PSD3: variants seen among roughly 807,000 people sequenced by gnomAD.
The protein encoded by PSD3 is PH and SEC7 domain-containing protein 3.
Under a neutral mutation model 105.5 loss-of-function variants are expected in PSD3, and 49 were observed. The observed-to-expected ratio is 0.46, with a 90% confidence interval of 0.37 to 0.59. The LOEUF is 0.59. Ranked by LOEUF, PSD3 falls within the 20% of genes least tolerant of loss-of-function variation. The probability of loss-of-function intolerance (pLI) is 0.00; values close to 1 mark genes in which losing one functional copy is unlikely to be tolerated. For missense variants in PSD3, 1,561 were observed against 1,263.8 expected (o/e 1.24, Z -3.57); for synonymous variants, 557 against 457.8 (o/e 1.22, Z -2.77).
chr8:18,598,586 T>C (rs1467749541), intron 12 of PSD3, among the ~76,000 whole-genome samples: 1 of 152,082 alleles, frequency 6.6e-6, no homozygotes, highest in African/African-American at 2.4e-5. Context: ...AGCGATGATA[T>C]TAATATCCTT....
At chr8:18,848,755 G>C (rs997648764) in intron 4 of PSD3, among the ~76,000 whole-genome samples, 3 of 152,156 alleles carry the variant, frequency 2.0e-5, no homozygotes, top group African/African-American at 4.8e-5. Flanking sequence ...AGGAGTCCCA[G>C]AATGACCAGT....
chr8:18,816,658 T>C (rs891669869), intron 4 of PSD3, among the ~76,000 whole-genome samples: 11 of 152,254 alleles, frequency 7.2e-5, no homozygotes, highest in African/African-American at 2.7e-4. Flanking sequence ...GGGTGCAGCC[T>C]TGCCCTTGTG....
intron 10 of PSD3, among the ~76,000 whole-genome samples, chr8:18,640,375 C>T (rs1337187102): frequency 6.6e-6 from 1 of 152,262 alleles, no homozygotes; most frequent in Middle Eastern, 3.4e-3. Flanking sequence ...TGTCCCCACC[C>T]AAATTTCATC....
intron 2 of PSD3, among the ~76,000 whole-genome samples, chr8:18,918,258 G>A (rs2129466407): frequency 6.6e-6 from 1 of 152,242 alleles, no homozygotes; most frequent in South Asian, 2.1e-4. Context: ...TTCTGCCACT[G>A]TCAAAACATC....
chr8:18,536,329 G>A (rs1799845441), intron 15 of PSD3, among the ~76,000 whole-genome samples: 1 of 152,132 alleles, frequency 6.6e-6, no homozygotes, highest in African/African-American at 2.4e-5. Context: ...TTGTGGCTCT[G>A]TACCAAAGTC....
chr8:18,792,133 T>C lies in PSD3; in HGVS notation c.2082+7162A>G, dbSNP rs146311831. Among the ~76,000 whole-genome samples the C allele has an allele frequency of 2.4e-3, 367 of 152,236 alleles. 3 individuals are homozygous for C. Among genetic ancestry groups the C allele is most frequent in the African/African-American group, 7.9e-3 (330 of 41,538 alleles). ...CTGTTGGTGGGAGTGTAAATTAGTTTAATCATTGTGGAAGACAGTATGGTA... is the reference window on the plus strand; with the variant it reads ...CTGTTGGTGGGAGTGTAAATTAGTTCAATCATTGTGGAAGACAGTATGGTA... On this transcript the variant is annotated intron_variant, in intron 8 of 15. Coordinates refer to ENST00000327040, the MANE Select transcript of PSD3 (RefSeq NM_015310.4).
intron 9 of PSD3, among the ~76,000 whole-genome samples, chr8:18,742,714 T>G (rs9657476): frequency 1 from 151,784 of 152,294 alleles, 75,639 homozygotes; most frequent in Non-Finnish European, 1. Context: ...CAACTCCAGG[T>G]TTTAATCACT....
Position 18,530,875 on chromosome 8 carries a change from G to C in PSD3, c.*4868C>G, listed in dbSNP as rs1433321931. ...AAATTTTAATCAAAATATTATTTGA[G>C]TTTAAGTTTAATAAAACAATACCAC... On this transcript the variant is annotated 3_prime_UTR_variant, in exon 16 of 16. Coordinates refer to ENST00000327040, the MANE Select transcript of PSD3 (RefSeq NM_015310.4). 1 of 152,056 alleles carries C rather than the reference G, an allele frequency of 6.6e-6. No individual in the cohort carries two copies. Among genetic ancestry groups the C allele is most frequent in the Non-Finnish European group, 1.5e-5 (1 of 68,018 alleles). The allele number at this position is 152,056 out of a possible 1,614,324, so 9.4% of individuals were successfully genotyped here.
chr8:18,544,541 C>G (rs972458350), intron 15 of PSD3, among the ~76,000 whole-genome samples: 1 of 151,650 alleles, frequency 6.6e-6, no homozygotes, highest in Admixed American at 6.6e-5. Flanking sequence ...AGTTCGTGTT[C>G]GTGGCTTTCT....
At chr8:18,965,950 G>C (rs1056216795) in intron 1 of PSD3, among the ~76,000 whole-genome samples, 4 of 152,204 alleles carry the variant, frequency 2.6e-5, no homozygotes, top group Admixed American at 1.3e-4. Flanking sequence ...GTGAGTTTAA[G>C]GCACATTACT....
intron 1 of PSD3, among the ~76,000 whole-genome samples, chr8:18,942,810 G>A (rs1822635381): frequency 6.6e-6 from 1 of 152,096 alleles, no homozygotes; most frequent in East Asian, 1.9e-4. Flanking sequence ...CCCTGTTTAT[G>A]GTACTTTATT....
At chr8:18,585,859 G>A (rs17126870) in intron 12 of PSD3, among the ~76,000 whole-genome samples, 1 of 152,064 alleles carries the variant, frequency 6.6e-6, no homozygotes, top group Admixed American at 6.6e-5. Flanking sequence ...CTCCAAATCA[G>A]CAATTAGTTA....
intron 4 of PSD3, among the ~76,000 whole-genome samples, chr8:18,843,732 T>C (rs931933532): frequency 2.0e-5 from 3 of 152,122 alleles, no homozygotes; most frequent in African/African-American, 2.4e-5. Context: ...AAAAGCATGG[T>C]AAAATAGAGG....
intron 9 of PSD3, among the ~76,000 whole-genome samples, chr8:18,741,659 TC>T (rs901790581): frequency 1.3e-5 from 2 of 152,160 alleles, no homozygotes; most frequent in African/African-American, 2.4e-5. Flanking sequence ...TATTTTAAAA[TC>T]CAATCCTGTG....
At chr8:18,652,684 G>A (rs774411018) in intron 10 of PSD3, among the ~76,000 whole-genome samples, 13 of 151,822 alleles carry the variant, frequency 8.6e-5, no homozygotes, top group Admixed American at 2.6e-4. Flanking sequence ...TTTTAGTAGA[G>A]ATGAGGTTTC....
chr8:18,881,335 G>C (rs1012521534), intron 2 of PSD3, among the ~76,000 whole-genome samples: 4 of 152,166 alleles, frequency 2.6e-5, no homozygotes, highest in Admixed American at 6.5e-5. Context: ...AAATGAAATA[G>C]AAAGAAATTT....
chr8:18,853,431 A>C (rs6991832), intron 4 of PSD3, among the ~76,000 whole-genome samples: 85,642 of 151,884 alleles, frequency 0.56, 24,735 homozygotes, highest in East Asian at 0.9. Context: ...ACTAGGCTCA[A>C]TTCCCCTTCT....
At chr8:18,947,346 C>T (rs1000681777) in intron 1 of PSD3, among the ~76,000 whole-genome samples, 4 of 152,210 alleles carry the variant, frequency 2.6e-5, no homozygotes, top group Admixed American at 6.5e-5. Context: ...ATCATGCAGC[C>T]CCGCTGCCAG....
rs188070327 is a variant in PSD3, at chr8:18,652,765, T to G, written c.2216+2877A>C. On this transcript the variant is annotated intron_variant, in intron 10 of 15. Coordinates refer to ENST00000327040, the MANE Select transcript of PSD3 (RefSeq NM_015310.4). ...CAGGCTCCTCAGCCTCCCAAAGTGT[T>G]GGGATTACAGGTGTCAGCGACCGTG... Among the ~76,000 whole-genome samples, 90 of 152,218 alleles carry G rather than the reference T, an allele frequency of 5.9e-4. 1 individual carries two copies. The highest frequency in any genetic ancestry group is 6.8e-3 in the Middle Eastern group (2 of 294).
Sources: gnomAD v4.1 joint callset for allele counts (sites outside exome capture counted in the v4.1 genomes callset) on GRCh38, gnomAD v4.1.1 for gene constraint, MANE v1.5 for transcripts, NCBI Gene and HGNC (gene_info 2026-07-23, HGNC 2026-07-21) for gene names.